GSG1L: variants seen among roughly 807,000 people sequenced by gnomAD.
GSG1L encodes germ cell-specific gene 1-like protein.
Under a neutral mutation model 42.1 loss-of-function variants are expected in GSG1L, and 24 were observed. The observed-to-expected ratio is 0.57, with a 90% CI of 0.41 to 0.80. The LOEUF (loss-of-function observed/expected upper bound fraction) is 0.80, where lower values mean the gene tolerates loss of function less well. Ranked by LOEUF, GSG1L falls within the 30% of genes least tolerant of loss-of-function variation. GSG1L has a pLI of 0.00. For synonymous variants in GSG1L, 215 were observed against 203.5 expected, an observed-to-expected ratio of 1.06 and a Z score of -0.48; for missense variants, 445 against 472.2, an observed-to-expected ratio of 0.94 and a Z score of 0.53.
intron 3 of GSG1L, among the ~76,000 whole-genome samples, chr16:27,858,488 A>G (rs2083606470): frequency 6.6e-6 from 1 of 152,200 alleles, no homozygotes; most frequent in Non-Finnish European, 1.5e-5. Flanking sequence ...CCATTCCATC[A>G]CAGTCTCTTC....
intron 6 of GSG1L, among the ~76,000 whole-genome samples, chr16:27,799,175 G>A (rs780293244): frequency 3.9e-5 from 6 of 151,946 alleles, no homozygotes; most frequent in Non-Finnish European, 8.8e-5. Flanking sequence ...AGGCTGAAGC[G>A]GGAGGATTGC....
chr16:27,975,130 G>A (rs781768935), intron 1 of GSG1L, among the ~76,000 whole-genome samples: 1 of 152,046 alleles, frequency 6.6e-6, no homozygotes, highest in Non-Finnish European at 1.5e-5. Flanking sequence ...TGATGCTGCC[G>A]GCCTGGGAAC....
Position 27,978,648 on chromosome 16 carries a change from G to A in GSG1L, c.350-15445C>T, listed in dbSNP as rs144753945. ...GGAGGTTGCAGTGAGCAGAGATCTC[G>A]CCACTGCACTCCAGCCTGGGTGACA... On this transcript the variant is annotated intron_variant, in intron 1 of 6. Transcript: ENST00000447459. 2.8e-3 allele frequency among the ~76,000 whole-genome samples: 371 copies of A among 132,898 alleles called. 1 individual carries two copies. The highest frequency in any genetic ancestry group is 0.01 in the African/African-American group (349 of 34,698). The allele number at this position is 132,898 out of a possible 152,430, so 87.2% of individuals were successfully genotyped here.
intron 3 of GSG1L, among the ~76,000 whole-genome samples, chr16:27,870,937 T>C (rs55784434): frequency 0.16 from 23,757 of 151,324 alleles, 2,471 homozygotes; most frequent in Non-Finnish European, 0.22. Flanking sequence ...CTGCCCTTCC[T>C]GTACCCCAAC....
chr16:28,010,392 TG>T (rs1225448075), intron 1 of GSG1L, among the ~76,000 whole-genome samples: 1 of 152,100 alleles, frequency 6.6e-6, no homozygotes, highest in South Asian at 2.1e-4. Flanking sequence ...GCATGCACTG[TG>T]GGGGGATTTT....
At chr16:28,028,577 C>A (rs1446486005) in intron 1 of GSG1L, among the ~76,000 whole-genome samples, 1 of 152,046 alleles carries the variant, frequency 6.6e-6, no homozygotes, top group Admixed American at 6.6e-5. Context: ...CTGGGCAGTT[C>A]TGCTTCAGAG....
At chr16:27,900,784 A>G (rs544896129) in intron 2 of GSG1L, among the ~76,000 whole-genome samples, 97 of 151,572 alleles carry the variant, frequency 6.4e-4, no homozygotes, top group African/African-American at 2.3e-3. Flanking sequence ...AGAATTGCAA[A>G]GAAAGCCAAT....
intron 1 of GSG1L, among the ~76,000 whole-genome samples, chr16:28,007,476 GTGGTTGGTTGGT>G (rs772976295): frequency 3.3e-5 from 4 of 119,500 alleles, no homozygotes; most frequent in East Asian, 2.1e-4. Context: ...GCATGTGTGT[GTGGTTGGTTGGT>G]TGGTTGGTTG....
chr16:27,897,285 T>A (rs572992359), intron 2 of GSG1L, among the ~76,000 whole-genome samples: 1 of 152,032 alleles, frequency 6.6e-6, no homozygotes, highest in African/African-American at 2.4e-5. Context: ...AAGAGGAAAC[T>A]AATACACCTC....
chr16:27,888,401 C>CT lies in GSG1L; in HGVS notation c.398-3764dup, dbSNP rs1203341567. Reference sequence around the variant, plus strand: ...GGTTCTTTCTTTCTTTTCTTTTCTCCTTCTTTCTTTCTTTCTTTCTTTCTT... The same window carrying CT: ...GGTTCTTTCTTTCTTTTCTTTTCTCCTTTCTTTCTTTCTTTCTTTCTTTCTT... On this transcript the variant is annotated intron_variant, in intron 2 of 6. Transcript: ENST00000447459. Among the ~76,000 whole-genome samples, 179 of 122,550 alleles carry CT rather than the reference C, an allele frequency of 1.5e-3. 17 individuals carry two copies. The highest frequency in any genetic ancestry group is 5.9e-3 in the African/African-American group (162 of 27,430). The allele number at this position is 122,550 out of a possible 152,430, so 80.4% of individuals were successfully genotyped here. A position where few individuals can be genotyped will look rare whatever the true frequency, so the allele number is the denominator to read the frequency against.
At chr16:27,811,956 T>C (rs564426203) in intron 5 of GSG1L, among the ~76,000 whole-genome samples, 105 of 152,336 alleles carry the variant, frequency 6.9e-4, no homozygotes, top group African/African-American at 2.3e-3. Context: ...TGGTCTCTCC[T>C]GGTTTCTTCT....
chr16:27,919,348 A>C (rs1216311959), intron 2 of GSG1L, among the ~76,000 whole-genome samples: 1 of 151,964 alleles, frequency 6.6e-6, no homozygotes, highest in African/African-American at 2.4e-5. Context: ...TCTGGTCCCT[A>C]CCTTCCTCTC....
At chr16:27,998,790 A>T (rs968038666) in intron 1 of GSG1L, among the ~76,000 whole-genome samples, 1 of 151,984 alleles carries the variant, frequency 6.6e-6, no homozygotes, top group African/African-American at 2.4e-5. Flanking sequence ...TTTTTAAAAA[A>T]TAAATCAATA....
At chr16:28,053,679 C>T (rs1194345035) in intron 1 of GSG1L, among the ~76,000 whole-genome samples, 1 of 152,172 alleles carries the variant, frequency 6.6e-6, no homozygotes, top group African/African-American at 2.4e-5. Context: ...CCTCTCTCCT[C>T]TCCAGCTTCT....
intron 1 of GSG1L, among the ~76,000 whole-genome samples, chr16:27,977,559 C>CAA (rs34588077): frequency 0.012 from 536 of 44,884 alleles, 35 homozygotes; most frequent in African/African-American, 0.028. Context: ...CACCCTGCCT[C>CAA]AAAAAAAAAA....
intron 1 of GSG1L, among the ~76,000 whole-genome samples, chr16:28,019,507 T>A (rs1464521808): frequency 6.6e-6 from 1 of 152,150 alleles, no homozygotes; most frequent in East Asian, 1.9e-4. Flanking sequence ...GCCATTGGAG[T>A]ACTCATTCTT....
intron 1 of GSG1L, among the ~76,000 whole-genome samples, chr16:28,025,494 A>T (rs994899377): frequency 6.6e-6 from 1 of 152,044 alleles, no homozygotes; most frequent in African/African-American, 2.4e-5. Context: ...TGCTGGATCA[A>T]TTTCACCATC....
chr16:27,793,187 A>C (rs966301338), intron 6 of GSG1L, among the ~76,000 whole-genome samples: 1 of 152,164 alleles, frequency 6.6e-6, no homozygotes, highest in Admixed American at 6.5e-5. Context: ...AGCAGCTCTC[A>C]TTATCAGGAG....
chr16:27,973,439 CAAAAAAAA>C lies in GSG1L; in HGVS notation c.350-10244_350-10237del, dbSNP rs71140935. Among the ~76,000 whole-genome samples the C allele has an allele frequency of 1.4e-3, 42 of 29,854 alleles. No individual in the cohort carries two copies. The East Asian group carries it at 0.035, about 25-fold the overall frequency. 19.6% of individuals were successfully genotyped at this position (29,854 alleles called of 152,430 possible). A position where few individuals can be genotyped will look rare whatever the true frequency, so the allele number is the denominator to read the frequency against. ...AGCCTGGGCAATAAAGACCCCATCA[CAAAAAAAA>C]AAAAAAAAAAAAAAAAAAAAAGAGT... On this transcript the variant is annotated intron_variant, in intron 1 of 6. Coordinates refer to ENST00000447459, the MANE Select transcript of GSG1L (RefSeq NM_001109763.2).
Sources: allele counts gnomAD v4.1 joint callset (sites outside exome capture counted in the v4.1 genomes callset), GRCh38; gene constraint gnomAD v4.1.1; transcripts MANE v1.5; gene names NCBI Gene and HGNC (gene_info 2026-07-23, HGNC 2026-07-21).